The following ITSN2 variants were observed in gnomAD, a reference collection of about 807,000 sequenced individuals.
ITSN2 encodes intersectin-2.
Under a neutral mutation model 243.7 loss-of-function variants are expected in ITSN2, and 156 were observed. The ratio of observed to expected loss-of-function variants is 0.64; its 90% CI spans 0.56 to 0.73. The LOEUF is 0.73. Among genes scored for constraint, ITSN2 ranks in the 30% least tolerant of loss-of-function variants. ITSN2 has a pLI of 0.00. For missense variants in ITSN2, 1,801 were observed against 1,996.1 expected, an observed-to-expected ratio of 0.90 and a Z score of 1.86; for synonymous variants, 703 against 699.9, an observed-to-expected ratio of 1.00 and a Z score of -0.07.
intron 1 of ITSN2, among the ~76,000 whole-genome samples, chr2:24,331,650 T>C (rs1292142149): frequency 6.6e-6 from 1 of 152,184 alleles, no homozygotes; most frequent in African/African-American, 2.4e-5. Flanking sequence ...CAGCAGAGAC[T>C]TAACTCCCTT....
rs752346715 is a variant in ITSN2, at chr2:24,204,426, AAAAC to A, written c.4763-12_4763-9del. ...AGTATGGGTTGCTCTTTCCTGAACA[AAAAC>A]AAACCACAGACACATGTGGTGCATG... On this transcript the variant is annotated splice_polypyrimidine_tract_variant and intron_variant, in intron 38 of 39. Transcript: ENST00000355123. The surrounding 1 kb of genome is among the most constrained non-coding windows in gnomAD (Gnocchi z 5.1). The A allele has an allele frequency of 9.9e-6, 16 of 1,613,926 alleles. No individual in the cohort carries two copies. Among genetic ancestry groups the A allele is most frequent in the Admixed American group, 5.0e-5 (3 of 60,010 alleles).
chr2:24,212,578 G>A (rs932449138), intron 33 of ITSN2, 72 bp downstream of exon 33: 1 of 1,187,808 alleles, frequency 8.4e-7, no homozygotes, highest in East Asian at 2.4e-5. Context: ...GGCTCCCTGA[G>A]GATCTGGCCT....
intron 20 of ITSN2, among the ~76,000 whole-genome samples, chr2:24,262,609 C>T (rs2151400067): frequency 6.6e-6 from 1 of 152,278 alleles, no homozygotes; most frequent in Admixed American, 6.5e-5. Context: ...TCATCACTGG[C>T]TTTCTTTCCT....
Position 24,203,530 on chromosome 2 carries a change from G to C in ITSN2, c.*96C>G, listed in dbSNP as rs1427063434. 1 of 1,260,944 alleles carries C rather than the reference G, an allele frequency of 7.9e-7. No individual in the cohort carries two copies. Among genetic ancestry groups the C allele is most frequent in the Non-Finnish European group, 1.1e-6 (1 of 921,830 alleles). The allele number at this position is 1,260,944 out of a possible 1,614,324, so 78.1% of individuals were successfully genotyped here. A position where few individuals can be genotyped will look rare whatever the true frequency, so the allele number is the denominator to read the frequency against. The stretch of plus-strand genomic sequence containing the variant: ...CGTGCATGGCTTTGTGAGGGGTGAA[G>C]CTGCATGGTGCTCCCTCAGCCCCAA... On this transcript the variant is annotated 3_prime_UTR_variant, in exon 40 of 40. Transcript: ENST00000355123.
At chr2:24,246,016 C>A in intron 29 of ITSN2, 113 bp downstream of exon 29, 1 of 643,312 alleles carries the variant, frequency 1.6e-6, no homozygotes, top group East Asian at 2.9e-5. Context: ...AAACACTAAT[C>A]TACATTTGCT....
chr2:24,326,972 T>C (rs1339234503), intron 2 of ITSN2, among the ~76,000 whole-genome samples: 1 of 152,196 alleles, frequency 6.6e-6, no homozygotes, highest in East Asian at 1.9e-4. Context: ...ATGGTGATTC[T>C]TCCCTCCTTT....
intron 3 of ITSN2, 143 bp downstream of exon 3, chr2:24,314,989 G>C: frequency 2.3e-6 from 1 of 442,624 alleles, no homozygotes; most frequent in Non-Finnish European, 4.0e-6. Flanking sequence ...AATAAAGTTA[G>C]CATTTCTTTA....
rs375747198 is a variant in ITSN2 at position 24,303,834 on chromosome 2, C to T, written c.822G>A (p.Gln274=). 4 of 1,610,598 alleles carry T rather than the reference C, an allele frequency of 2.5e-6. No homozygotes were observed. The African/African-American group carries it at 4.0e-5, about 16-fold the overall frequency. ...SGFQARNALL[Q]SNLSQTQLAT... ...CCAGCTGAGTTTGAGAAAGATTTGA[C>T]TGAAGAAGGGCATTTCTAGCTTGAA... The change falls in exon 9 of 40, where the codon CAG becomes CAA. Residue 274 remains glutamine, a synonymous_variant. Transcript: ENST00000355123.
chr2:24,248,610 G>C lies in ITSN2; in HGVS notation c.3288+19C>G. 1 of 1,563,782 alleles carries C rather than the reference G, an allele frequency of 6.4e-7. No individual in the cohort carries two copies. The highest frequency in any genetic ancestry group is 2.2e-5 in the East Asian group (1 of 44,484). ...TACTTTTATAATAAAATTTATAGAT[G>C]CTATTTAAAGAATATTACCTGTAAC... is the stretch of plus-strand genomic sequence containing the variant. On this transcript the variant is annotated intron_variant, in intron 27 of 39. Coordinates refer to ENST00000355123, the MANE Select transcript of ITSN2 (RefSeq NM_006277.3).
At chr2:24,257,296 G>A (rs748728294) in intron 23 of ITSN2, among the ~76,000 whole-genome samples, 14 of 152,086 alleles carry the variant, frequency 9.2e-5, no homozygotes, top group Non-Finnish European at 1.9e-4. Flanking sequence ...TCTAGCCTAG[G>A]CAACAGAGTG....
intron 16 of ITSN2, 123 bp downstream of exon 16, chr2:24,286,089 A>G (rs1679463762): frequency 3.2e-6 from 2 of 617,624 alleles, no homozygotes; most frequent in Non-Finnish European, 5.5e-6. Flanking sequence ...GTATAGTTGA[A>G]ATTATAAAAT....
intron 13 of ITSN2, among the ~76,000 whole-genome samples, chr2:24,298,044 G>A (rs1314120197): frequency 6.6e-6 from 1 of 151,448 alleles, no homozygotes; most frequent in Non-Finnish European, 1.5e-5. Context: ...GAGTGCAGTG[G>A]TGCGATCTTG....
rs1243303152 is a variant in ITSN2, at chr2:24,261,759, A to G, written c.2356-17T>C. 6.3e-7 allele frequency: 1 copy of G among 1,586,764 alleles called. No homozygotes were observed. Among genetic ancestry groups the G allele is most frequent in the Admixed American group, 1.7e-5 (1 of 58,842 alleles). On this transcript the variant is annotated splice_polypyrimidine_tract_variant and intron_variant, in intron 20 of 39. Coordinates refer to ENST00000355123, the MANE Select transcript of ITSN2 (RefSeq NM_006277.3). ...TTCATCAACCTACGGAAATAAAAAG[A>G]AGGATTAACAGTGCTTAGAAATTCA...
chr2:24,347,001 AC>A (rs1687598153), intron 1 of ITSN2, among the ~76,000 whole-genome samples: 1 of 151,440 alleles, frequency 6.6e-6, no homozygotes, highest in African/African-American at 2.4e-5. Context: ...AGTAGCTGCT[AC>A]TACAGGCACC....
chr2:24,245,065 TTA>T (rs1446466588), intron 29 of ITSN2, among the ~76,000 whole-genome samples: 1 of 152,032 alleles, frequency 6.6e-6, no homozygotes, highest in Non-Finnish European at 1.5e-5. Context: ...AAACTAAAAA[TTA>T]AAAGAGTGGG....
rs150685032 is a variant in ITSN2 at position 24,341,364 on chromosome 2, G to C, written c.-33-13249C>G. ...TCATGTGGGTGAATGACATTATCCA[G>C]GGAAATCATGTATAAGAAAAAAGAG... On this transcript the variant is annotated intron_variant, in intron 1 of 39. Coordinates refer to ENST00000355123, the MANE Select transcript of ITSN2 (RefSeq NM_006277.3). Among the ~76,000 whole-genome samples the C allele has an allele frequency of 3.8e-3, 577 of 152,256 alleles. 5 individuals carry two copies. Among genetic ancestry groups the C allele is most frequent in the African/African-American group, 0.013 (546 of 41,546 alleles).
Position 24,310,576 on chromosome 2 carries a change from G to T in ITSN2, c.469C>A (p.Pro157Thr), listed in dbSNP as rs1019922996. ...GATGTGCTAACAGAAGGCACTAGGG[G>T]AGTGGGCATCATTAAGGGAGGAAGG... ...TNLPPLMMPT[P>T]LVPSVSTSSL... The change falls in exon 6 of 40, where the codon CCC (proline) becomes ACC (threonine). Residue 157 changes from proline (P) to threonine (T), a missense_variant. Transcript: ENST00000355123. 2.5e-6 allele frequency: 4 copies of T among 1,614,170 alleles called. No homozygotes were observed. Among genetic ancestry groups the T allele is most frequent in the East Asian group, 2.2e-5 (1 of 44,890 alleles).
chr2:24,210,368 T>C (rs1479855262), intron 34 of ITSN2: 2 of 314,612 alleles, frequency 6.4e-6, no homozygotes, highest in Non-Finnish European at 1.2e-5. Flanking sequence ...CCCAGCACTG[T>C]TGGGAGACAG....
At chr2:24,253,867 T>G (rs1433234663) in intron 24 of ITSN2, among the ~76,000 whole-genome samples, 1 of 152,194 alleles carries the variant, frequency 6.6e-6, no homozygotes, top group Non-Finnish European at 1.5e-5. Context: ...TCCTCTGAAA[T>G]TAGGGTAATC....
Sources: allele counts gnomAD v4.1 joint callset (sites outside exome capture counted in the v4.1 genomes callset), GRCh38; gene constraint gnomAD v4.1.1; non-coding constraint Gnocchi (gnomAD v3.1); transcripts MANE v1.5; gene names NCBI Gene and HGNC (gene_info 2026-07-23, HGNC 2026-07-21).